The following MYO1B variants were observed in gnomAD, a reference collection of about 807,000 sequenced individuals.
MYO1B encodes the protein unconventional myosin-Ib.
A neutral mutation model predicts 159.7 loss-of-function variants in MYO1B; 72 were observed. The ratio of observed to expected loss-of-function variants is 0.45; its 90% CI spans 0.37 to 0.55. The LOEUF is 0.55. Among genes scored for constraint, MYO1B ranks in the 20% least tolerant of loss-of-function variants. The pLI, the probability that MYO1B is intolerant of heterozygous loss-of-function variation, is 0.00. For missense variants in MYO1B, 1,062 were observed against 1,364.8 expected (o/e 0.78, Z 3.50); for synonymous variants, 468 against 473.8 (o/e 0.99, Z 0.16).
At chr2:191,309,782 G>A (rs1689882729) in intron 3 of MYO1B, among the ~76,000 whole-genome samples, 1 of 152,142 alleles carries the variant, frequency 6.6e-6, no homozygotes, top group Non-Finnish European at 1.5e-5. Context: ...TATTCTCTTA[G>A]GCTACTTTAT....
At chr2:191,366,054 G>A (rs1413976075) in intron 11 of MYO1B, among the ~76,000 whole-genome samples, 1 of 152,140 alleles carries the variant, frequency 6.6e-6, no homozygotes, top group Non-Finnish European at 1.5e-5. Flanking sequence ...TGCTGCTGCT[G>A]GTCCAGGATC....
At chr2:191,417,740 T>C (rs933061188) in intron 30 of MYO1B, among the ~76,000 whole-genome samples, 6 of 152,244 alleles carry the variant, frequency 3.9e-5, no homozygotes, top group Non-Finnish European at 7.3e-5. Context: ...TGTTCTCTGA[T>C]GGAAATTTAA....
intron 1 of MYO1B, among the ~76,000 whole-genome samples, chr2:191,254,698 G>A (rs575798268): frequency 3.9e-5 from 6 of 152,156 alleles, no homozygotes; most frequent in African/African-American, 1.4e-4. Context: ...TAGAGGTGAT[G>A]TCTCATTGGT....
intron 3 of MYO1B, among the ~76,000 whole-genome samples, chr2:191,322,853 CAG>C (rs1287696735): frequency 6.6e-6 from 1 of 152,056 alleles, no homozygotes; most frequent in Non-Finnish European, 1.5e-5. Flanking sequence ...GGTGAGACCA[CAG>C]AGTAAAGTGA....
chr2:191,245,749 G>C (rs1685743694), intron 1 of MYO1B, 123 bp downstream of exon 1: 1 of 152,218 alleles, frequency 6.6e-6, no homozygotes, highest in African/African-American at 2.4e-5. Flanking sequence ...CCTGCGGGCG[G>C]GGGTCAGCGG....
chr2:191,284,237 C>G (rs1205581882), intron 2 of MYO1B, among the ~76,000 whole-genome samples: 2 of 152,116 alleles, frequency 1.3e-5, no homozygotes, highest in East Asian at 1.9e-4. Flanking sequence ...TCAACTGTCC[C>G]CTCTACACAT....
intron 1 of MYO1B, chr2:191,248,113 T>C: frequency 1.0e-5 from 7 of 688,558 alleles, no homozygotes; most frequent in Non-Finnish European, 1.3e-5. Context: ...TCCCTTCTAC[T>C]GTTTTCAATA....
At chr2:191,388,825 C>T (rs900499115) in intron 17 of MYO1B, among the ~76,000 whole-genome samples, 3 of 152,054 alleles carry the variant, frequency 2.0e-5, no homozygotes, top group Non-Finnish European at 4.4e-5. Context: ...GTAACCACCA[C>T]CCAGGTTAAG....
At chr2:191,400,334 T>A (rs1239352921) in intron 21 of MYO1B, 48 bp from the exon 22 acceptor site, 5 of 1,589,424 alleles carry the variant, frequency 3.1e-6, no homozygotes, top group African/African-American at 2.7e-5. Context: ...TCACTGTCAA[T>A]TCCTTTATTT....
At chr2:191,372,760 A>C (rs892538031) in intron 13 of MYO1B, among the ~76,000 whole-genome samples, 1 of 151,960 alleles carries the variant, frequency 6.6e-6, no homozygotes, top group African/African-American at 2.4e-5. Context: ...GGTTAATTCA[A>C]GTTTCTCTCC....
intron 3 of MYO1B, among the ~76,000 whole-genome samples, chr2:191,327,912 A>T (rs568869916): frequency 6.6e-6 from 1 of 152,340 alleles, no homozygotes; most frequent in South Asian, 2.1e-4. Flanking sequence ...AAGGCAGCAG[A>T]CTCACTGATA....
chr2:191,416,424 C>G (rs1697569256), intron 30 of MYO1B, 182 bp downstream of exon 30: 1 of 652,966 alleles, frequency 1.5e-6, no homozygotes, highest in Non-Finnish European at 2.7e-6. Context: ...ATGTACCTGA[C>G]ATCCTAGTGG....
chr2:191,362,722 T>G (rs2126015286), intron 9 of MYO1B, among the ~76,000 whole-genome samples: 1 of 152,352 alleles, frequency 6.6e-6, no homozygotes, highest in South Asian at 2.1e-4. Context: ...ATCAAAACTA[T>G]TTTTGAGACA....
intron 2 of MYO1B, among the ~76,000 whole-genome samples, chr2:191,295,507 C>G (rs1381722332): frequency 6.6e-6 from 1 of 152,084 alleles, no homozygotes; most frequent in African/African-American, 2.4e-5. Context: ...AAATTTGACA[C>G]TAAAACTCTG....
intron 4 of MYO1B, among the ~76,000 whole-genome samples, chr2:191,337,288 A>G (rs1395252133): frequency 3.3e-5 from 5 of 152,230 alleles, no homozygotes; most frequent in Non-Finnish European, 5.9e-5. Flanking sequence ...ATGAATTTAT[A>G]TAATTCTATG....
chr2:191,347,092 A>G (rs1018437355), intron 6 of MYO1B, among the ~76,000 whole-genome samples: 9 of 152,210 alleles, frequency 5.9e-5, no homozygotes, highest in Non-Finnish European at 1.0e-4. Context: ...ACTGATTGCC[A>G]CCAGGGACAA....
At chr2:191,315,169 A>G (rs528788288) in intron 3 of MYO1B, among the ~76,000 whole-genome samples, 3 of 151,468 alleles carry the variant, frequency 2.0e-5, no homozygotes, top group African/African-American at 4.9e-5. Flanking sequence ...CCATCCATCC[A>G]TCCATCCATC....
chr2:191,317,952 A>G (rs1198709211), intron 3 of MYO1B, among the ~76,000 whole-genome samples: 1 of 152,204 alleles, frequency 6.6e-6, no homozygotes, highest in Non-Finnish European at 1.5e-5. Context: ...CCATACATTA[A>G]TTTTATTTCT....
At chr2:191,266,163 G>A (rs1026909155) in intron 1 of MYO1B, among the ~76,000 whole-genome samples, 1 of 152,176 alleles carries the variant, frequency 6.6e-6, no homozygotes, top group Non-Finnish European at 1.5e-5. Flanking sequence ...AAGATCAACT[G>A]CAAATGAGGT....
Sources: allele counts gnomAD v4.1 joint callset (sites outside exome capture counted in the v4.1 genomes callset), GRCh38; gene constraint gnomAD v4.1.1; transcripts MANE v1.5; gene names NCBI Gene and HGNC (gene_info 2026-07-23, HGNC 2026-07-21).